Variants in PRDM16 observed in about 807,000 individuals in gnomAD.
PRDM16 encodes the protein histone-lysine N-methyltransferase PRDM16.
In PRDM16, 23 loss-of-function variants were observed where a neutral mutation model predicts 110.6. That is an observed-to-expected ratio of 0.21 (90% CI 0.15 to 0.29). The LOEUF is 0.29. PRDM16 is among the 10% of genes least tolerant of loss of function. PRDM16 has a pLI of 1.00. For missense variants in PRDM16, 1,615 were observed against 1,794.3 expected (o/e 0.90, Z 1.81); for synonymous variants, 799 against 781.8 (o/e 1.02, Z -0.37).
At chr1:3,106,467 G>A (rs1642654992) in intron 1 of PRDM16, among the ~76,000 whole-genome samples, 1 of 152,188 alleles carries the variant, frequency 6.6e-6, no homozygotes, top group Non-Finnish European at 1.5e-5. Context: ...GTGCGAGATG[G>A]ATAGCTTTGC....
rs568401639 is a variant in PRDM16, at chr1:3,082,170, G to A, written c.37+12874G>A. On this transcript the variant is annotated intron_variant, in intron 1 of 16. Coordinates refer to ENST00000270722, the MANE Select transcript of PRDM16 (RefSeq NM_022114.4). ...TGATGGGCAGGAGGCTGGCCCGGGG[G>A]CCCTGGTGTGACCAGGAAGGTGGGA... Among the ~76,000 whole-genome samples the A allele has an allele frequency of 8.5e-5, 13 of 152,178 alleles. No individual in the cohort carries two copies. In the South Asian group the frequency reaches 1.2e-3, roughly 15 times the overall value.
chr1:3,321,351 G>A (rs769750019), intron 3 of PRDM16, among the ~76,000 whole-genome samples: 47 of 150,416 alleles, frequency 3.1e-4, no homozygotes, highest in Non-Finnish European at 6.2e-4. Context: ...TTTGTGTGTG[G>A]GTCTGTGTGT....
intron 1 of PRDM16, among the ~76,000 whole-genome samples, chr1:3,093,658 G>A (rs951155381): frequency 5.5e-4 from 84 of 152,254 alleles, no homozygotes; most frequent in Middle Eastern, 3.4e-3. Context: ...TGCTGTGGTC[G>A]TGGTGAGAAG....
intron 1 of PRDM16, chr1:3,133,180 TG>T (rs1204068872): frequency 6.6e-6 from 1 of 152,274 alleles, no homozygotes; most frequent in African/African-American, 2.4e-5. Context: ...GCTGGTCAGA[TG>T]CCTGGGAGAC....
At position 3,255,381 on chromosome 1, in the gene PRDM16, C is replaced by A. The variant is rs1012932477; in HGVS notation, c.438+11244C>A. Among the ~76,000 whole-genome samples, 55 of 152,276 alleles carry A rather than the reference C, an allele frequency of 3.6e-4. No individual in the cohort carries two copies. The highest frequency in any genetic ancestry group is 1.1e-3 in the African/African-American group (46 of 41,558). On this transcript the variant is annotated intron_variant, in intron 3 of 16. Coordinates refer to ENST00000270722, the MANE Select transcript of PRDM16 (RefSeq NM_022114.4). This position sits in a 1 kb window ranked among gnomAD's most constrained non-coding sequence, Gnocchi z 4.7. ...CTGAGGGTCGCGTGCAGCACACAGC[C>A]TCCCAGACGGCTCTCACCACAAAGC...
At chr1:3,088,448 A>ATTATTAT (rs373778011) in intron 1 of PRDM16, among the ~76,000 whole-genome samples, 1,464 of 146,080 alleles carry the variant, frequency 0.01, 19 homozygotes, top group African/African-American at 0.028. Flanking sequence ...GGATTCTTTT[A>ATTATTAT]TTATTTATTT....
intron 1 of PRDM16, among the ~76,000 whole-genome samples, chr1:3,099,080 G>T (rs79705252): frequency 6.6e-6 from 1 of 152,162 alleles, no homozygotes; most frequent in Non-Finnish European, 1.5e-5. Context: ...GTGTGGGAGC[G>T]CTGAGAAGCA....
At position 3,435,357 on chromosome 1, in the gene PRDM16, A is replaced by T. The variant is rs553895337; in HGVS notation, c.*1546A>T. Reference sequence around the variant, plus strand: ...TCTGGTGAAGGACCAAAACCGTGTGATAAGGTTGTGTGTCGTGTGGGAGTG... The same window carrying T: ...TCTGGTGAAGGACCAAAACCGTGTGTTAAGGTTGTGTGTCGTGTGGGAGTG... On this transcript the variant is annotated 3_prime_UTR_variant, in exon 17 of 17. Transcript: ENST00000270722. The T allele has an allele frequency of 4.3e-6, 1 of 230,486 alleles. No homozygotes were observed. Among genetic ancestry groups the T allele is most frequent in the Non-Finnish European group, 8.6e-6 (1 of 116,382 alleles). The allele number at this position is 230,486 out of a possible 1,614,324, so 14.3% of individuals were successfully genotyped here.
At chr1:3,337,559 G>T (rs941807864) in intron 3 of PRDM16, among the ~76,000 whole-genome samples, 4 of 152,208 alleles carry the variant, frequency 2.6e-5, no homozygotes, top group South Asian at 2.1e-4. Flanking sequence ...TGAGCTAGAG[G>T]CCCTTGGGGT....
In PRDM16 at chr1:3,245,475, G is replaced by GC. The variant is rs1639770338; in HGVS notation, c.438+1341dup. The stretch of plus-strand genomic sequence containing the variant: ...GCATGGCAATGGAGACTTTTGCTGG[G>GC]CCCGCAGTGACCCGCTGAAGGGCCT... On this transcript the variant is annotated intron_variant, in intron 3 of 16. Transcript: ENST00000270722. The surrounding 1 kb of genome is among the most constrained non-coding windows in gnomAD (Gnocchi z 4.7). Among the ~76,000 whole-genome samples, 2 of 152,142 alleles carry GC rather than the reference G, an allele frequency of 1.3e-5. No homozygotes were observed. The highest frequency in any genetic ancestry group is 2.9e-5 in the Non-Finnish European group (2 of 68,036).
intron 1 of PRDM16, among the ~76,000 whole-genome samples, chr1:3,123,743 G>C (rs1035604227): frequency 2.6e-5 from 4 of 152,260 alleles, no homozygotes; most frequent in Non-Finnish European, 4.4e-5. Flanking sequence ...CCGGTGGCCC[G>C]AGAAGCAGGG....
intron 2 of PRDM16, among the ~76,000 whole-genome samples, chr1:3,236,117 G>A (rs1409683092): frequency 6.6e-6 from 1 of 152,138 alleles, no homozygotes; most frequent in Non-Finnish European, 1.5e-5. Context: ...TGCAGCCCCA[G>A]GGCAGGTGGT....
rs748391199 is a variant in PRDM16 at position 3,433,703 on chromosome 1, C to T, written c.3723C>T (p.Ser1241=). 10 of 1,613,926 alleles carry T rather than the reference C, an allele frequency of 6.2e-6. No individual in the cohort carries two copies. Among genetic ancestry groups the T allele is most frequent in the Non-Finnish European group, 8.5e-6 (10 of 1,179,896 alleles). Reference sequence around the variant, plus strand: ...CATATGCAATGATGCTGTCCCTTTCCGAAGACACTCCTCTCCACACCCCCT... The same window carrying T: ...CATATGCAATGATGCTGTCCCTTTCTGAAGACACTCCTCTCCACACCCCCT... The part of the protein sequence containing the change: ...NQAYAMMLSL[S]EDTPLHTPSQ... The change falls in exon 17 of 17, where the codon TCC becomes TCT. Residue 1241 remains serine, a synonymous_variant. Transcript: ENST00000270722.
intron 3 of PRDM16, among the ~76,000 whole-genome samples, chr1:3,346,314 C>CT (rs1557623842): frequency 6.6e-6 from 1 of 152,142 alleles, no homozygotes; most frequent in East Asian, 1.9e-4. Flanking sequence ...GTGACATAGG[C>CT]TGGGGGCTTG....
intron 3 of PRDM16, among the ~76,000 whole-genome samples, chr1:3,348,972 C>T (rs1049386427): frequency 7.9e-5 from 12 of 152,036 alleles, no homozygotes; most frequent in East Asian, 3.9e-4. Flanking sequence ...ACCGGGGCAG[C>T]GCTGGCCTGG....
intron 3 of PRDM16, among the ~76,000 whole-genome samples, chr1:3,267,944 T>A (rs1640334133): frequency 6.6e-6 from 1 of 152,162 alleles, no homozygotes; most frequent in Non-Finnish European, 1.5e-5. Context: ...TCCGCCCTGT[T>A]GTTTTGGCTT....
At chr1:3,176,313 TC>T (rs1274362830) in intron 1 of PRDM16, among the ~76,000 whole-genome samples, 2 of 146,298 alleles carry the variant, frequency 1.4e-5, no homozygotes, top group Non-Finnish European at 3.0e-5. Flanking sequence ...CATACATCCA[TC>T]TATTCTTCCA....
intron 3 of PRDM16, among the ~76,000 whole-genome samples, chr1:3,325,420 G>A (rs1358403084): frequency 6.6e-6 from 1 of 152,198 alleles, no homozygotes; most frequent in Non-Finnish European, 1.5e-5. Flanking sequence ...TGTGGCAGAG[G>A]CTGAGGGCTG....
At chr1:3,324,041 G>A (rs921154861) in intron 3 of PRDM16, among the ~76,000 whole-genome samples, 1 of 152,180 alleles carries the variant, frequency 6.6e-6, no homozygotes, top group Non-Finnish European at 1.5e-5. Flanking sequence ...CCTCCGTCTG[G>A]GTTGGGAGGA....
Sources: allele counts gnomAD v4.1 joint callset (sites outside exome capture counted in the v4.1 genomes callset), GRCh38; gene constraint gnomAD v4.1.1; non-coding constraint Gnocchi (gnomAD v3.1); transcripts MANE v1.5; gene names NCBI Gene and HGNC (gene_info 2026-07-23, HGNC 2026-07-21).